KIAA1549L: variants seen among roughly 807,000 people sequenced by gnomAD.
KIAA1549L encodes UPF0606 protein KIAA1549L.
Under a neutral mutation model 160.7 loss-of-function variants are expected in KIAA1549L, and 88 were observed. The observed-to-expected ratio is 0.55, with a 90% CI of 0.46 to 0.65. KIAA1549L has a LOEUF of 0.65. KIAA1549L is among the 30% of genes least tolerant of loss of function. The pLI is 0.00. For missense variants in KIAA1549L, 2,258 were observed against 2,437.5 expected (o/e 0.93, Z 1.55); for synonymous variants, 950 against 976.7 (o/e 0.97, Z 0.51).
intron 1 of KIAA1549L, among the ~76,000 whole-genome samples, chr11:33,382,354 C>T (rs1385484491): frequency 6.6e-6 from 1 of 152,080 alleles, no homozygotes; most frequent in Non-Finnish European, 1.5e-5. Context: ...TAGGCACTAG[C>T]AATGCACGTT....
intron 1 of KIAA1549L, among the ~76,000 whole-genome samples, chr11:33,432,227 C>T (rs1376896301): frequency 6.6e-6 from 1 of 152,224 alleles, no homozygotes; most frequent in East Asian, 1.9e-4. Flanking sequence ...TCCTCAAGTG[C>T]CGCCAAAGTA....
At chr11:33,411,811 T>G (rs942197) in intron 1 of KIAA1549L, among the ~76,000 whole-genome samples, 47,520 of 152,064 alleles carry the variant, frequency 0.31, 7,900 homozygotes, top group East Asian at 0.55. Context: ...CAGTTCTTAT[T>G]TCAAGTATCA....
At position 33,408,489 on chromosome 11, in the gene KIAA1549L, G is replaced by GTGTGTA. The variant is rs34208718; in HGVS notation, c.238+31601_238+31602insGTGTAT. 1.4e-4 allele frequency among the ~76,000 whole-genome samples: 17 copies of GTGTGTA among 123,074 alleles called. 1 individual carries two copies. The highest frequency in any genetic ancestry group is 4.7e-4 in the Admixed American group (6 of 12,794). 80.7% of individuals were successfully genotyped at this position (123,074 alleles called of 152,430 possible). ...ATATATATACATACTCTGTATATGT[G>GTGTGTA]TATATATATATATATATATATACAC... On this transcript the variant is annotated intron_variant, in intron 1 of 20. Coordinates refer to ENST00000658780, the MANE Select transcript of KIAA1549L (RefSeq NM_012194.3).
At chr11:33,633,139 C>CTT (rs56310347) in intron 16 of KIAA1549L, among the ~76,000 whole-genome samples, 975 of 50,686 alleles carry the variant, frequency 0.019, 91 homozygotes, top group African/African-American at 0.037. Flanking sequence ...CCATGCCCAG[C>CTT]TTTTTTTTTT....
intron 3 of KIAA1549L, 35 bp downstream of exon 3, chr11:33,545,413 G>T: frequency 6.4e-7 from 1 of 1,571,026 alleles, no homozygotes; most frequent in Non-Finnish European, 8.6e-7. Context: ...AAAGCAGCAA[G>T]CCTGGCCTCA....
At position 33,531,499 on chromosome 11, in the gene KIAA1549L, G is replaced by C. The variant is rs143866056; in HGVS notation, c.239-10303G>C. ...AAAAAATAAATAAGTAAAATAAAAT[G>C]GGGAGGGAGAGGTATCAGCTTTATT... On this transcript the variant is annotated intron_variant, in intron 1 of 20. Coordinates refer to ENST00000658780, the MANE Select transcript of KIAA1549L (RefSeq NM_012194.3). Among the ~76,000 whole-genome samples the C allele has an allele frequency of 6.8e-4, 103 of 152,244 alleles. 2 individuals carry two copies. In the East Asian group the frequency reaches 0.018, roughly 27 times the overall value.
At chr11:33,493,672 C>T (rs533733384) in intron 1 of KIAA1549L, among the ~76,000 whole-genome samples, 29 of 152,312 alleles carry the variant, frequency 1.9e-4, no homozygotes, top group African/African-American at 7.0e-4. Flanking sequence ...AGTTGTCTGA[C>T]ATCTGTTTTC....
At chr11:33,486,510 A>G (rs1267144764) in intron 1 of KIAA1549L, among the ~76,000 whole-genome samples, 2 of 152,222 alleles carry the variant, frequency 1.3e-5, no homozygotes, top group Non-Finnish European at 2.9e-5. Context: ...GAATTTAACT[A>G]CTTAATGCAT....
chr11:33,451,194 A>C (rs1253183878), intron 1 of KIAA1549L, among the ~76,000 whole-genome samples: 3 of 152,220 alleles, frequency 2.0e-5, no homozygotes, highest in Non-Finnish European at 2.9e-5. Context: ...TTCAGCAGTT[A>C]CCTTTATAAG....
intron 1 of KIAA1549L, among the ~76,000 whole-genome samples, chr11:33,441,141 G>A (rs1343997293): frequency 2.1e-5 from 3 of 145,522 alleles, no homozygotes; most frequent in Admixed American, 7.3e-5. Context: ...TCATTGTTCA[G>A]TTACCACCTA....
At chr11:33,587,488 C>T (rs1849917153) in intron 11 of KIAA1549L, among the ~76,000 whole-genome samples, 1 of 152,178 alleles carries the variant, frequency 6.6e-6, no homozygotes, top group African/African-American at 2.4e-5. Context: ...GTTTTCTTAT[C>T]TGTGAAATGA....
At chr11:33,535,517 C>CA (rs1853874119) in intron 1 of KIAA1549L, among the ~76,000 whole-genome samples, 1 of 151,804 alleles carries the variant, frequency 6.6e-6, no homozygotes, top group South Asian at 2.1e-4. Flanking sequence ...ACAAAAAATA[C>CA]AAAAATTAGC....
At chr11:33,467,159 A>T (rs933871562) in intron 1 of KIAA1549L, among the ~76,000 whole-genome samples, 3 of 152,134 alleles carry the variant, frequency 2.0e-5, no homozygotes, top group Non-Finnish European at 2.9e-5. Flanking sequence ...TTCTTTTCAT[A>T]ACGAAGTTGA....
intron 20 of KIAA1549L, among the ~76,000 whole-genome samples, chr11:33,663,018 G>A (rs1175879730): frequency 6.6e-6 from 1 of 152,202 alleles, no homozygotes; most frequent in Admixed American, 6.5e-5. Context: ...CTGCAATTAA[G>A]CAGGGAGGCG....
At chr11:33,409,570 G>A (rs948727661) in intron 1 of KIAA1549L, among the ~76,000 whole-genome samples, 1 of 152,144 alleles carries the variant, frequency 6.6e-6, no homozygotes, top group African/African-American at 2.4e-5. Context: ...CAAGTAAGAA[G>A]GTGACAGGAA....
intron 1 of KIAA1549L, among the ~76,000 whole-genome samples, chr11:33,439,464 G>A (rs368936869): frequency 2.0e-5 from 3 of 151,448 alleles, no homozygotes; most frequent in Non-Finnish European, 2.9e-5. Flanking sequence ...GTGCAGTGGC[G>A]TGATCTCAGC....
intron 1 of KIAA1549L, among the ~76,000 whole-genome samples, chr11:33,412,664 A>T (rs985379907): frequency 6.6e-6 from 1 of 152,248 alleles, no homozygotes; most frequent in Non-Finnish European, 1.5e-5. Context: ...CTGATCACCC[A>T]TGATTAGAAA....
chr11:33,608,295 T>C lies in KIAA1549L; in HGVS notation c.5062-1454T>C, dbSNP rs570236249. Among the ~76,000 whole-genome samples, 3 of 152,364 alleles carry C rather than the reference T, an allele frequency of 2.0e-5. No individual in the cohort carries two copies. In the East Asian group the frequency reaches 5.8e-4, roughly 29 times the overall value. On this transcript the variant is annotated intron_variant, in intron 14 of 20. Coordinates refer to ENST00000658780, the MANE Select transcript of KIAA1549L (RefSeq NM_012194.3). ...AGTGCCTGGCACACAATAAGCACTTTGATGATGATGATAATGATGATGATG... is the reference window on the plus strand; with the variant it reads ...AGTGCCTGGCACACAATAAGCACTTCGATGATGATGATAATGATGATGATG...
intron 13 of KIAA1549L, among the ~76,000 whole-genome samples, chr11:33,605,422 A>C (rs1850475943): frequency 1.3e-5 from 2 of 152,120 alleles, no homozygotes; most frequent in African/African-American, 2.4e-5. Context: ...ATATGGATGC[A>C]TCTGGTAACA....
Sources: gnomAD v4.1 joint callset for allele counts (sites outside exome capture counted in the v4.1 genomes callset) on GRCh38, gnomAD v4.1.1 for gene constraint, MANE v1.5 for transcripts, NCBI Gene and HGNC (gene_info 2026-07-23, HGNC 2026-07-21) for gene names.